WWC2: variants seen among roughly 807,000 people sequenced by gnomAD.
WWC2 encodes WW and C2 domain containing 2.
Under a neutral mutation model 138.5 loss-of-function variants are expected in WWC2, and 101 were observed. The observed-to-expected ratio is 0.73, with a 90% CI of 0.62 to 0.86. The LOEUF (loss-of-function observed/expected upper bound fraction) is 0.86, where lower values mean the gene tolerates loss of function less well. WWC2 is among the 40% of genes least tolerant of loss of function. The probability of loss-of-function intolerance (pLI) is 0.00; values close to 1 mark genes in which losing one functional copy is unlikely to be tolerated. For missense variants in WWC2, 1,420 were observed against 1,419.4 expected, an observed-to-expected ratio of 1.00 and a Z score of -0.01; for synonymous variants, 558 against 538.4, an observed-to-expected ratio of 1.04 and a Z score of -0.50.
chr4:183,290,959 A>G (rs1400413716), intron 21 of WWC2, among the ~76,000 whole-genome samples: 4 of 152,268 alleles, frequency 2.6e-5, no homozygotes, highest in Non-Finnish European at 4.4e-5. Context: ...CAAGAATCAA[A>G]CTGACACCAG....
At chr4:183,250,168 C>T (rs1425461563) in intron 8 of WWC2, among the ~76,000 whole-genome samples, 175 bp downstream of exon 8, 4 of 150,422 alleles carry the variant, frequency 2.7e-5, no homozygotes, top group Non-Finnish European at 5.9e-5. Context: ...TTCCCCCCGC[C>T]CTCCACCCCC....
intron 1 of WWC2, among the ~76,000 whole-genome samples, chr4:183,146,673 T>A (rs1304916275): frequency 2.6e-5 from 4 of 152,122 alleles, no homozygotes; most frequent in Non-Finnish European, 1.5e-5. Context: ...CCCTTTTAGA[T>A]GTCTGTCTGT....
chr4:183,268,960 G>A lies in WWC2; in HGVS notation c.2208-11G>A, dbSNP rs767183090. ...TACCTATGAAATCCATTTTATTCTT[G>A]TTCTTTGCAGATATTTTAGGGTTGC... On this transcript the variant is annotated splice_polypyrimidine_tract_variant and intron_variant, in intron 14 of 22. Coordinates refer to ENST00000403733, the MANE Select transcript of WWC2 (RefSeq NM_024949.6). The A allele has an allele frequency of 6.9e-6, 11 of 1,605,202 alleles. No homozygotes were observed. In the Admixed American group the frequency reaches 1.9e-4, roughly 27 times the overall value.
At chr4:183,153,628 A>G (rs1733707140) in intron 1 of WWC2, among the ~76,000 whole-genome samples, 1 of 150,064 alleles carries the variant, frequency 6.7e-6, no homozygotes, top group Non-Finnish European at 1.5e-5. Context: ...AGTAAACATT[A>G]TTGCCCTAGA....
At chr4:183,166,028 A>G (rs1734118975) in intron 1 of WWC2, among the ~76,000 whole-genome samples, 1 of 152,194 alleles carries the variant, frequency 6.6e-6, no homozygotes, top group South Asian at 2.1e-4. Flanking sequence ...TCATACTGTT[A>G]GTATCTACCT....
chr4:183,175,069 A>G (rs899879997), intron 1 of WWC2, among the ~76,000 whole-genome samples: 1 of 152,140 alleles, frequency 6.6e-6, no homozygotes, highest in African/African-American at 2.4e-5. Context: ...GACAGCTATT[A>G]TGACCCTTCT....
At chr4:183,191,082 G>A (rs1206569461) in intron 1 of WWC2, among the ~76,000 whole-genome samples, 1 of 151,916 alleles carries the variant, frequency 6.6e-6, no homozygotes, top group Non-Finnish European at 1.5e-5. Context: ...GATACAGAGG[G>A]TGACCTGGCA....
At chr4:183,162,358 G>A (rs1367592221) in intron 1 of WWC2, among the ~76,000 whole-genome samples, 1 of 152,108 alleles carries the variant, frequency 6.6e-6, no homozygotes, top group Non-Finnish European at 1.5e-5. Flanking sequence ...ATTATACTCT[G>A]TTCTCATAAT....
At chr4:183,243,146 G>A (rs1216250722) in intron 5 of WWC2, among the ~76,000 whole-genome samples, 2 of 152,066 alleles carry the variant, frequency 1.3e-5, no homozygotes, top group African/African-American at 2.4e-5. Flanking sequence ...TTTTTTAAAC[G>A]TTAAGGTTTT....
intron 16 of WWC2, among the ~76,000 whole-genome samples, chr4:183,273,924 G>A (rs547595253): frequency 6.6e-6 from 1 of 152,224 alleles, no homozygotes; most frequent in South Asian, 2.1e-4. Flanking sequence ...TTGTTAACGT[G>A]GATCCAGTTT....
At position 183,291,532 on chromosome 4, in the gene WWC2, A is replaced by G. The variant is rs1580155691; in HGVS notation, c.3384+1897A>G. Among the ~76,000 whole-genome samples the G allele has an allele frequency of 3.3e-5, 5 of 152,320 alleles. No homozygotes were observed. In the South Asian group the frequency reaches 1.0e-3, roughly 32 times the overall value. On this transcript the variant is annotated intron_variant, in intron 21 of 22. Transcript: ENST00000403733. ...TTGACCTACTTTACTGTCATGGAGA[A>G]GCATCACAGTCTTTGACTGTTATGG...
At chr4:183,114,898 T>C (rs746334007) in intron 1 of WWC2, among the ~76,000 whole-genome samples, 23 of 152,306 alleles carry the variant, frequency 1.5e-4, no homozygotes, top group African/African-American at 4.8e-4. Flanking sequence ...CTGTGCTCAC[T>C]GCAACCTCTG....
At chr4:183,206,201 C>G (rs1246109882) in intron 2 of WWC2, among the ~76,000 whole-genome samples, 2 of 152,170 alleles carry the variant, frequency 1.3e-5, no homozygotes, top group Non-Finnish European at 2.9e-5. Flanking sequence ...TGTCCAACAT[C>G]TGAAAACCAT....
At chr4:183,204,876 T>C (rs752384095) in intron 2 of WWC2, among the ~76,000 whole-genome samples, 8 of 152,228 alleles carry the variant, frequency 5.3e-5, no homozygotes, top group Non-Finnish European at 1.0e-4. Context: ...TGTGGTCTTT[T>C]GTGTCTGGCA....
intron 1 of WWC2, among the ~76,000 whole-genome samples, chr4:183,118,066 G>A (rs994149012): frequency 2.6e-5 from 4 of 152,194 alleles, no homozygotes; most frequent in South Asian, 4.1e-4. Flanking sequence ...CCAAAGTGCT[G>A]GGATTACAGG....
At chr4:183,296,972 A>G (rs1329080671) in intron 21 of WWC2, among the ~76,000 whole-genome samples, 1 of 133,442 alleles carries the variant, frequency 7.5e-6, no homozygotes, top group African/African-American at 2.8e-5. Context: ...AAAAAAAATT[A>G]TTTCTTAATA....
chr4:183,144,833 C>A (rs1193987333), intron 1 of WWC2, among the ~76,000 whole-genome samples: 1 of 152,228 alleles, frequency 6.6e-6, no homozygotes, highest in Non-Finnish European at 1.5e-5. Context: ...ATGTCGTAAG[C>A]AAACATTATT....
intron 7 of WWC2, among the ~76,000 whole-genome samples, chr4:183,249,689 C>T (rs575468319): frequency 3.1e-4 from 47 of 152,068 alleles, no homozygotes; most frequent in East Asian, 5.8e-4. Flanking sequence ...TTGAATTTAA[C>T]GTGTAGAGAA....
At chr4:183,311,289 CAT>C (rs1739207774) in intron 21 of WWC2, among the ~76,000 whole-genome samples, 1 of 152,160 alleles carries the variant, frequency 6.6e-6, no homozygotes, top group South Asian at 2.1e-4. Context: ...GTAGTAAAGT[CAT>C]ACAGTGGAAT....
Sources: gnomAD v4.1 joint callset for allele counts (sites outside exome capture counted in the v4.1 genomes callset) on GRCh38, gnomAD v4.1.1 for gene constraint, MANE v1.5 for transcripts, NCBI Gene and HGNC (gene_info 2026-07-23, HGNC 2026-07-21) for gene names.